Variants in NTRK3 observed in about 807,000 individuals in gnomAD.
NTRK3 encodes neurotrophic receptor tyrosine kinase 3.
NTRK3 carries 24 observed loss-of-function variants against 91.7 expected under a neutral mutation model. That is an observed-to-expected ratio of 0.26 (90% CI 0.19 to 0.37). NTRK3 has a LOEUF of 0.37. Ranked by LOEUF, NTRK3 falls within the 10% of genes least tolerant of loss-of-function variation. The pLI, the probability that NTRK3 is intolerant of heterozygous loss-of-function variation, is 1.00. For synonymous variants in NTRK3, 483 were observed against 404.0 expected (o/e 1.20, Z -2.34); for missense variants, 880 against 1,068.9 (o/e 0.82, Z 2.46).
At chr15:88,024,678 G>T (rs2077875668) in intron 14 of NTRK3, among the ~76,000 whole-genome samples, 1 of 152,170 alleles carries the variant, frequency 6.6e-6, no homozygotes, top group Non-Finnish European at 1.5e-5. Context: ...AACTCATGTG[G>T]AAAAATGGAT....
chr15:87,938,352 A>T (rs1288362595), intron 15 of NTRK3, among the ~76,000 whole-genome samples: 1 of 152,218 alleles, frequency 6.6e-6, no homozygotes, highest in East Asian at 1.9e-4. Flanking sequence ...CTGCATCAAC[A>T]TGAGAACTAA....
intron 14 of NTRK3, among the ~76,000 whole-genome samples, chr15:87,974,303 C>T (rs1385516988): frequency 6.6e-6 from 1 of 152,118 alleles, no homozygotes; most frequent in Non-Finnish European, 1.5e-5. Context: ...CCAAATTGAG[C>T]CTGATTTGTG....
At chr15:88,047,258 T>G (rs1195023233) in intron 13 of NTRK3, among the ~76,000 whole-genome samples, 1 of 152,146 alleles carries the variant, frequency 6.6e-6, no homozygotes, top group Admixed American at 6.5e-5. Context: ...TCTTCACAAT[T>G]TTACACCTTC....
chr15:87,962,184 G>C (rs964618502), intron 14 of NTRK3, among the ~76,000 whole-genome samples: 11 of 152,168 alleles, frequency 7.2e-5, no homozygotes, highest in African/African-American at 2.7e-4. Flanking sequence ...ATTGGATCTT[G>C]ATCCCTAATA....
chr15:88,255,874 G>A lies in NTRK3; in HGVS notation c.248+32C>T, dbSNP rs375429955. The A allele has an allele frequency of 1.3e-6, 2 of 1,586,440 alleles. No individual in the cohort carries two copies. Among genetic ancestry groups the A allele is most frequent in the Admixed American group, 1.7e-5 (1 of 58,824 alleles). On this transcript the variant is annotated intron_variant, in intron 3 of 18. Transcript: ENST00000394480. This position sits in a 1 kb window ranked among gnomAD's most constrained non-coding sequence, Gnocchi z 4.3. ...CAGGAGGGAGACGCAGAGCGCGGGG[G>A]AGGCAGGCTGGGGAGCGGCCGCCTG...
exon 19 of NTRK3, chr15:87,866,982 T>C (rs1407520637): frequency 9.2e-6 from 2 of 218,218 alleles, no homozygotes; most frequent in Non-Finnish European, 1.8e-5. Flanking sequence ...TTACCATTTA[T>C]CCATATAGTT....
At chr15:88,062,955 G>A (rs2046346178) in intron 13 of NTRK3, among the ~76,000 whole-genome samples, 1 of 152,172 alleles carries the variant, frequency 6.6e-6, no homozygotes, top group Non-Finnish European at 1.5e-5. Context: ...TTTCCTTCAT[G>A]TAAAGATGTG....
intron 13 of NTRK3, among the ~76,000 whole-genome samples, chr15:88,119,106 A>G (rs1203763415): frequency 6.6e-6 from 1 of 152,254 alleles, no homozygotes; most frequent in Admixed American, 6.5e-5. Flanking sequence ...GAGTCTTCAG[A>G]GCAAGTTCAG....
At chr15:88,121,898 T>A (rs923669570) in intron 13 of NTRK3, among the ~76,000 whole-genome samples, 1 of 152,232 alleles carries the variant, frequency 6.6e-6, no homozygotes, top group Non-Finnish European at 1.5e-5. Flanking sequence ...CAAAAGAAGA[T>A]GAGCTTGTGT....
Position 88,029,397 on chromosome 15 carries a change from A to C in NTRK3, c.1585+3460T>G, listed in dbSNP as rs909317310. 3.3e-5 allele frequency among the ~76,000 whole-genome samples: 5 copies of C among 152,238 alleles called. No homozygotes were observed. The South Asian group carries it at 1.0e-3, about 31-fold the overall frequency. On this transcript the variant is annotated intron_variant, in intron 14 of 18. Coordinates refer to ENST00000394480, the Ensembl canonical transcript of NTRK3. ...AAATGCTATGGACCAGATTGAAAGC[A>C]GATAGAAAGTGAGAAGCAAGGAGAG...
chr15:88,075,584 C>A (rs568389617), intron 13 of NTRK3, among the ~76,000 whole-genome samples: 226 of 152,250 alleles, frequency 1.5e-3, no homozygotes, highest in African/African-American at 5.2e-3. Context: ...GGAGAAGTCT[C>A]CCTTTTTTCT....
At chr15:87,966,950 G>C (rs569981131) in intron 14 of NTRK3, among the ~76,000 whole-genome samples, 1 of 152,136 alleles carries the variant, frequency 6.6e-6, no homozygotes, top group Non-Finnish European at 1.5e-5. Flanking sequence ...GCTGTCAGAA[G>C]CACCCACCCT....
intron 17 of NTRK3, chr15:87,927,130 C>G (rs552112548): frequency 2.0e-5 from 3 of 152,376 alleles, no homozygotes; most frequent in Admixed American, 6.5e-5. Context: ...CACATCATGT[C>G]TCCTTTTCCA....
chr15:88,156,209 G>C (rs2043883837), intron 5 of NTRK3, among the ~76,000 whole-genome samples: 1 of 152,322 alleles, frequency 6.6e-6, no homozygotes, highest in South Asian at 2.1e-4. Context: ...ACATCACTGA[G>C]TAGCTGCCAG....
chr15:88,084,036 C>T (rs74703064), intron 13 of NTRK3, among the ~76,000 whole-genome samples: 4,630 of 151,296 alleles, frequency 0.031, 227 homozygotes, highest in African/African-American at 0.1. Context: ...TTCATTTATA[C>T]TTAACTCATC....
intron 14 of NTRK3, among the ~76,000 whole-genome samples, chr15:87,956,990 G>A (rs1347801708): frequency 7.2e-5 from 11 of 152,268 alleles, no homozygotes; most frequent in African/African-American, 1.2e-4. Flanking sequence ...CACTGGGGGC[G>A]GAGCAGTGGG....
At chr15:88,052,848 T>C (rs1473322336) in intron 13 of NTRK3, among the ~76,000 whole-genome samples, 2 of 152,098 alleles carry the variant, frequency 1.3e-5, no homozygotes, top group African/African-American at 2.4e-5. Flanking sequence ...ATTCCAGGTA[T>C]TTTAGGAACA....
Position 88,100,117 on chromosome 15 carries a change from A to C in NTRK3, c.1396+26154T>G, listed in dbSNP as rs181557364. 4.8e-4 allele frequency among the ~76,000 whole-genome samples: 73 copies of C among 151,826 alleles called. No homozygotes were observed. In the East Asian group the frequency reaches 0.014, roughly 28 times the overall value. ...TCAAATTCCTTGAAGCTCACTCCTC[A>C]CTCCTGTGTTCCCTAAAACCCCCAT... On this transcript the variant is annotated intron_variant, in intron 13 of 18. Coordinates refer to ENST00000394480, the Ensembl canonical transcript of NTRK3.
intron 13 of NTRK3, among the ~76,000 whole-genome samples, chr15:88,043,675 C>G (rs2079869128): frequency 6.6e-6 from 1 of 152,166 alleles, no homozygotes; most frequent in Admixed American, 6.5e-5. Flanking sequence ...ACGGAGGTCA[C>G]AAGAGGGAAA....
Sources: allele counts gnomAD v4.1 joint callset (sites outside exome capture counted in the v4.1 genomes callset), GRCh38; gene constraint gnomAD v4.1.1; non-coding constraint Gnocchi (gnomAD v3.1); transcripts MANE v1.5; gene names NCBI Gene and HGNC (gene_info 2026-07-23, HGNC 2026-07-21).